Variants in LIMCH1 observed in about 807,000 individuals in gnomAD.
The protein encoded by LIMCH1 is LIM and calponin homology domains-containing protein 1.
A neutral mutation model predicts 176.5 loss-of-function variants in LIMCH1; 113 were observed. That is an observed-to-expected ratio of 0.64 (90% CI 0.55 to 0.75). LIMCH1 has a LOEUF of 0.75. LIMCH1 is among the 30% of genes least tolerant of loss of function. The probability of loss-of-function intolerance (pLI) is 0.00; values close to 1 mark genes in which losing one functional copy is unlikely to be tolerated. For missense variants in LIMCH1, 1,674 were observed against 1,814.9 expected (o/e 0.92, Z 1.41); for synonymous variants, 619 against 645.9 (o/e 0.96, Z 0.63).
At chr4:41,646,040 T>C (rs1180742269) in intron 15 of LIMCH1, 83 bp from the exon 16 acceptor site, 10 of 1,372,908 alleles carry the variant, frequency 7.3e-6, no homozygotes, top group East Asian at 4.6e-5. Flanking sequence ...CTCTAAAGAG[T>C]AGAAATGACT....
chr4:41,658,322 G>C (rs558628828), intron 18 of LIMCH1, among the ~76,000 whole-genome samples: 2 of 152,182 alleles, frequency 1.3e-5, no homozygotes, highest in South Asian at 4.1e-4. Context: ...TCAAGTTACC[G>C]TATCAAATGT....
intron 28 of LIMCH1, among the ~76,000 whole-genome samples, chr4:41,686,293 A>G (rs1451806755): frequency 6.6e-6 from 1 of 152,200 alleles, no homozygotes; most frequent in East Asian, 1.9e-4. Flanking sequence ...TTTCAATATA[A>G]TAGGCACTCT....
chr4:41,479,850 A>T (rs558846655), intron 1 of LIMCH1, among the ~76,000 whole-genome samples: 2 of 152,200 alleles, frequency 1.3e-5, no homozygotes, highest in Non-Finnish European at 2.9e-5. Context: ...GATAATGTGT[A>T]TAGGAGGTTA....
chr4:41,647,246 A>G (rs972935916), intron 17 of LIMCH1, among the ~76,000 whole-genome samples: 1 of 152,224 alleles, frequency 6.6e-6, no homozygotes, highest in African/African-American at 2.4e-5. Context: ...ATCAGGAGGT[A>G]TGGCAGACTC....
At chr4:41,631,978 AGGAG>A (rs2093351113) in intron 10 of LIMCH1, among the ~76,000 whole-genome samples, 1 of 152,214 alleles carries the variant, frequency 6.6e-6, no homozygotes, top group African/African-American at 2.4e-5. Flanking sequence ...ATAATAAATC[AGGAG>A]TCTTAAAAAC....
chr4:41,543,044 T>A (rs2078882923), intron 1 of LIMCH1, among the ~76,000 whole-genome samples: 1 of 152,222 alleles, frequency 6.6e-6, no homozygotes, highest in East Asian at 1.9e-4. Context: ...GTGACTAATA[T>A]GTTGATTTGA....
chr4:41,603,396 G>A (rs911734204), intron 2 of LIMCH1, among the ~76,000 whole-genome samples: 14 of 152,140 alleles, frequency 9.2e-5, no homozygotes, highest in African/African-American at 1.4e-4. Flanking sequence ...GTCCAGAGCA[G>A]AAAAGAACAA....
At chr4:41,430,444 A>T (rs1430940026) in intron 1 of LIMCH1, among the ~76,000 whole-genome samples, 3 of 152,072 alleles carry the variant, frequency 2.0e-5, no homozygotes, top group Non-Finnish European at 4.4e-5. Context: ...TCGTATTTTT[A>T]GTTGAGATGG....
chr4:41,440,003 T>C (rs2062534626), intron 1 of LIMCH1, among the ~76,000 whole-genome samples: 1 of 152,208 alleles, frequency 6.6e-6, no homozygotes, highest in Non-Finnish European at 1.5e-5. Context: ...GCTTCCTTAC[T>C]GAACATCTCC....
At chr4:41,451,326 A>G (rs188893970) in intron 1 of LIMCH1, among the ~76,000 whole-genome samples, 431 of 149,946 alleles carry the variant, frequency 2.9e-3, no homozygotes, top group Non-Finnish European at 4.5e-3. Flanking sequence ...GGTTTTCTCC[A>G]TGTTGGTCAG....
At chr4:41,522,319 AGTGTGTACTATATGCTAC>A (rs1182188066) in intron 2 of LIMCH1, among the ~76,000 whole-genome samples, 1 of 152,160 alleles carries the variant, frequency 6.6e-6, no homozygotes, top group Non-Finnish European at 1.5e-5. Flanking sequence ...GGTGTAGGAC[AGTGTGTACTATATGCTAC>A]ACATATATAT....
upstream of LIMCH1, among the ~76,000 whole-genome samples, chr4:41,537,721 A>G (rs1180132110): frequency 6.6e-6 from 1 of 152,218 alleles, no homozygotes; most frequent in Non-Finnish European, 1.5e-5. Flanking sequence ...GATGGATGGT[A>G]CACAGGATGT....
intron 1 of LIMCH1, among the ~76,000 whole-genome samples, chr4:41,361,499 C>CG (rs2052039449): frequency 6.6e-6 from 1 of 152,202 alleles, no homozygotes; most frequent in South Asian, 2.1e-4. Context: ...GTGCGCAGGG[C>CG]GGGGGTAGCT....
intron 17 of LIMCH1, among the ~76,000 whole-genome samples, chr4:41,648,472 C>T (rs2094151877): frequency 6.6e-6 from 1 of 152,180 alleles, no homozygotes; most frequent in South Asian, 2.1e-4. Context: ...CTGGAGATTA[C>T]TCCTCATCAC....
chr4:41,419,595 CTTCCTTCCG>C (rs1238815668), intron 1 of LIMCH1, among the ~76,000 whole-genome samples: 7 of 78,590 alleles, frequency 8.9e-5, no homozygotes, highest in African/African-American at 5.5e-4. Flanking sequence ...TCCTTCCTTC[CTTCCTTCCG>C]TCCTTCCTTC....
At chr4:41,688,405 C>T (rs898846248) in intron 29 of LIMCH1, among the ~76,000 whole-genome samples, 2 of 152,196 alleles carry the variant, frequency 1.3e-5, no homozygotes, top group Non-Finnish European at 2.9e-5. Context: ...CCTGAATTCC[C>T]GTTCCCTGGA....
At chr4:41,436,289 A>G (rs1355890994) in intron 1 of LIMCH1, among the ~76,000 whole-genome samples, 1 of 152,046 alleles carries the variant, frequency 6.6e-6, no homozygotes, top group Non-Finnish European at 1.5e-5. Flanking sequence ...TAGAGATGGC[A>G]TGACATTTGT....
At chr4:41,479,543 C>T (rs983397378) in intron 1 of LIMCH1, among the ~76,000 whole-genome samples, 4 of 152,214 alleles carry the variant, frequency 2.6e-5, no homozygotes, top group Admixed American at 6.5e-5. Flanking sequence ...TGAGCCACCG[C>T]GCCCAGCATC....
At chr4:41,499,504 T>C (rs1199396839) in intron 2 of LIMCH1, among the ~76,000 whole-genome samples, 2 of 152,176 alleles carry the variant, frequency 1.3e-5, no homozygotes, top group Non-Finnish European at 2.9e-5. Flanking sequence ...CCCAGTAATA[T>C]CCTTTATACT....
Sources: allele counts gnomAD v4.1 joint callset (sites outside exome capture counted in the v4.1 genomes callset), GRCh38; gene constraint gnomAD v4.1.1; transcripts MANE v1.5; gene names NCBI Gene and HGNC (gene_info 2026-07-23, HGNC 2026-07-21).